The following RNF31 variants were observed in gnomAD, a reference collection of about 807,000 sequenced individuals.
The protein encoded by RNF31 is E3 ubiquitin-protein ligase RNF31.
In RNF31, 38 loss-of-function variants were observed where a neutral mutation model predicts 133.6. The observed-to-expected ratio is 0.28, with a 90% CI of 0.22 to 0.37. The LOEUF (loss-of-function observed/expected upper bound fraction) is 0.37. Ranked by LOEUF, RNF31 falls within the 10% of genes least tolerant of loss-of-function variation. The pLI is 1.00. For synonymous variants in RNF31, 582 were observed against 552.3 expected (o/e 1.05, Z -0.75); for missense variants, 1,118 against 1,394.1 (o/e 0.80, Z 3.15).
In RNF31 at chr14:24,155,008, T is replaced by C. The variant is rs570185329; in HGVS notation, c.2131-149T>C. On this transcript the variant is annotated intron_variant, in intron 11 of 20. Transcript: ENST00000324103. The surrounding 1 kb of genome is among the most constrained non-coding windows in gnomAD (Gnocchi z 4.9). ...ACTGTCTTCAGATGTTTACGTTGCCTGCCTGGCCCCTGCTGGCACTTGAGG... is the reference window on the plus strand; with the variant it reads ...ACTGTCTTCAGATGTTTACGTTGCCCGCCTGGCCCCTGCTGGCACTTGAGG... 8.1e-5 allele frequency: 57 copies of C among 700,556 alleles called. 1 individual carries two copies. The South Asian group carries it at 1.0e-3, about 13-fold the overall frequency. 43.4% of individuals were successfully genotyped at this position (700,556 alleles called of 1,614,324 possible).
At position 24,151,757 on chromosome 14, in the gene RNF31, T is replaced by G. The variant is rs199632413; in HGVS notation, c.1924-29T>G. The G allele has an allele frequency of 1.4e-5, 23 of 1,600,784 alleles. No homozygotes were observed. The highest frequency in any genetic ancestry group is 2.2e-5 in the South Asian group (2 of 90,028). ...AAGGGTCCCTGGAGTCTGACAGCAC[T>G]TCCCCCCTCCACCTGAATCATATTG... is the stretch of plus-strand genomic sequence containing the variant. On this transcript the variant is annotated intron_variant, in intron 10 of 20. Coordinates refer to ENST00000324103, the MANE Select transcript of RNF31 (RefSeq NM_017999.5). This position sits in a 1 kb window ranked among gnomAD's most constrained non-coding sequence, Gnocchi z 5.3.
Position 24,150,438 on chromosome 14 carries a change from A to G in RNF31, c.1187A>G (p.Gln396Arg). 1 of 1,610,224 alleles carries G rather than the reference A, an allele frequency of 6.2e-7. No individual in the cohort carries two copies. The highest frequency in any genetic ancestry group is 8.5e-7 in the Non-Finnish European group (1 of 1,177,946). The change falls in exon 7 of 21, where the codon CAA (glutamine) becomes CGA (arginine). Residue 396 changes from glutamine to arginine, a missense_variant. By Grantham distance (43) the Gln-to-Arg change is conservative (BLOSUM62 1). Transcript: ENST00000324103. Reference sequence around the variant, plus strand: ...TCCCGAGATGCTGGCATTTGCCTGCAACCCCTTCAGGTAACTGGCCTTCCC... The same window carrying G: ...TCCCGAGATGCTGGCATTTGCCTGCGACCCCTTCAGGTAACTGGCCTTCCC... Reference protein sequence around the residue: ...VDSRDAGICLQPLQQGDALLA... With the variant: ...VDSRDAGICLRPLQQGDALLA...
Position 24,160,257 on chromosome 14 carries a change from T to C in RNF31, c.3015T>C (p.Tyr1005=). The change falls in exon 20 of 21, where the codon TAT becomes TAC. Residue 1005 remains tyrosine, a synonymous_variant. Coordinates refer to ENST00000324103, the MANE Select transcript of RNF31 (RefSeq NM_017999.5). The surrounding 1 kb of genome is among the most constrained non-coding windows in gnomAD (Gnocchi z 4.0). ...TCCCCAGGGCACACTACAAAGAGTA[T>C]CTTGTGAGCCTCATCAATGCCCACT... ...AGLCQAHYKE[Y]LVSLINAHSL... is the part of the protein sequence containing the mutation. 1.2e-6 allele frequency: 2 copies of C among 1,613,818 alleles called. No individual in the cohort carries two copies. Among genetic ancestry groups the C allele is most frequent in the Non-Finnish European group, 1.7e-6 (2 of 1,179,974 alleles).
Position 24,150,746 on chromosome 14 carries a change from C to T in RNF31, c.1346C>T (p.Ala449Val). 6.2e-7 allele frequency: 1 copy of T among 1,613,062 alleles called. No homozygotes were observed. The highest frequency in any genetic ancestry group is 8.5e-7 in the Non-Finnish European group (1 of 1,179,612). Residue 449 changes from alanine to valine, a missense_variant, in exon 8 of 21, where the codon GCC (alanine) becomes GTC (valine). Ala to Val is a moderately conservative substitution (Grantham distance 64). Transcript: ENST00000324103. Reference protein sequence around the residue: ...IPAQHAPRPYASSLEKGPPKP... With the variant: ...IPAQHAPRPYVSSLEKGPPKP... ...GCACAACATGCCCCCCGGCCCTATG[C>T]CAGCTCTTTGGAAAAGGGACCCCCC...
In RNF31 at chr14:24,157,298, G is replaced by T. The variant is rs1161898085; in HGVS notation, c.2502G>T (p.Glu834Asp). 5.0e-6 allele frequency: 8 copies of T among 1,605,810 alleles called. No homozygotes were observed. The highest frequency in any genetic ancestry group is 6.8e-6 in the Non-Finnish European group (8 of 1,173,908). Residue 834 changes from glutamate (E) to aspartate (D), a missense_variant, in exon 15 of 21, where the codon GAG (glutamate) becomes GAT (aspartate). Transcript: ENST00000324103. ...FCVRCKRQWE[E>D]QHRGRSCEDF... ...TACTTTCCCTCTGGCAGTGGGAGGA[G>T]CAGCACCGAGGTCGGAGCTGTGAGG...
rs754920056 is a variant in RNF31, at chr14:24,150,157, G to A, written c.906G>A (p.Leu302=). 6.2e-7 allele frequency: 1 copy of A among 1,613,786 alleles called. No homozygotes were observed. Among genetic ancestry groups the A allele is most frequent in the South Asian group, 1.1e-5 (1 of 91,082 alleles). The change falls in exon 7 of 21, where the codon TTG becomes TTA. Residue 302 remains leucine (L), a synonymous_variant. Transcript: ENST00000324103. ...LSSPNPASAH[L]PWHCAACAML... ...CCCCTAATCCTGCAAGTGCTCATTT[G>A]CCCTGGCACTGTGCTGCCTGTGCCA...
chr14:24,156,027 A>G (rs1403379443), intron 14 of RNF31, among the ~76,000 whole-genome samples: 1 of 152,250 alleles, frequency 6.6e-6, no homozygotes, highest in Admixed American at 6.5e-5. Context: ...GAGGTCAGAC[A>G]AGTCTTCTCT....
In RNF31 at chr14:24,148,509, A is replaced by G. The variant is rs58442111; in HGVS notation, c.495+96A>G. The G allele has an allele frequency of 1.0e-5, 16 of 1,600,642 alleles. No individual in the cohort carries two copies. In the East Asian group the frequency reaches 2.2e-4, roughly 22 times the overall value. ...TTGAGGACCCCCGTGCTGCTGAACT[A>G]TGGGCATAGTTCAGCATTCTGGGAG... On this transcript the variant is annotated intron_variant, in intron 3 of 20. Transcript: ENST00000324103.
Position 24,150,903 on chromosome 14 carries a change from T to G in RNF31, c.1488+15T>G. The G allele has an allele frequency of 1.3e-6, 2 of 1,542,384 alleles. No homozygotes were observed. Among genetic ancestry groups the G allele is most frequent in the Non-Finnish European group, 1.7e-6 (2 of 1,144,104 alleles). The stretch of plus-strand genomic sequence containing the variant: ...GCATGATCCGGGTAAGGACTGGGCC[T>G]GCGATGAGGTAGGGCTGAGCTGGTC... On this transcript the variant is annotated intron_variant, in intron 8 of 20. Transcript: ENST00000324103.
rs1208973761 is a variant in RNF31 at position 24,160,586 on chromosome 14, G to A, written c.*13G>A. ...CAGGCGGAAGTAGCTGAGGGCAAGG[G>A]TCCCGATGAGGGTCCCATGGCCTGC... On this transcript the variant is annotated 3_prime_UTR_variant, in exon 21 of 21. Transcript: ENST00000324103. The surrounding 1 kb of genome is among the most constrained non-coding windows in gnomAD (Gnocchi z 4.0). 1 of 1,517,108 alleles carries A rather than the reference G, an allele frequency of 6.6e-7. No individual in the cohort carries two copies. The highest frequency in any genetic ancestry group is 8.8e-7 in the Non-Finnish European group (1 of 1,131,332). The allele number at this position is 1,517,108 out of a possible 1,614,324, so 94.0% of individuals were successfully genotyped here.
intron 11 of RNF31, chr14:24,154,928 A>T (rs1476331945): frequency 7.1e-6 from 4 of 563,350 alleles, no homozygotes; most frequent in Non-Finnish European, 1.3e-5. Flanking sequence ...GAATGTTTTT[A>T]TAGGCACTTT....
intron 14 of RNF31, among the ~76,000 whole-genome samples, chr14:24,157,022 C>T (rs973252192): frequency 1.3e-4 from 19 of 151,892 alleles, no homozygotes; most frequent in African/African-American, 4.6e-4. Flanking sequence ...CTGATGGTGG[C>T]CTGGAGTAAA....
At chr14:24,152,538 C>G (rs879556951) in intron 11 of RNF31, among the ~76,000 whole-genome samples, 19 of 152,122 alleles carry the variant, frequency 1.2e-4, no homozygotes, top group Non-Finnish European at 2.8e-4. Flanking sequence ...CCTGCCTCAG[C>G]CTCCTGAGTA....
Position 24,147,578 on chromosome 14 carries a change from C to A in RNF31, c.-121C>A. On this transcript the variant is annotated 5_prime_UTR_variant, in exon 1 of 21. In the 5' UTR this introduces an upstream ATG that the reference lacks. Transcript: ENST00000324103. ...CCGTGGTCTGAGTGACCTGGGGCGG[C>A]TGCGTGGGCCGGGGTGGGCCTCAAA... 1 of 868,108 alleles carries A rather than the reference C, an allele frequency of 1.2e-6. No individual in the cohort carries two copies. The highest frequency in any genetic ancestry group is 1.6e-6 in the Non-Finnish European group (1 of 627,080). The allele number at this position is 868,108 out of a possible 1,614,324, so 53.8% of individuals were successfully genotyped here. A position where few individuals can be genotyped will look rare whatever the true frequency, so the allele number is the denominator to read the frequency against.
intron 5 of RNF31, 152 bp from the exon 6 acceptor site, chr14:24,149,254 C>T (rs1478483020): frequency 3.1e-5 from 25 of 808,178 alleles, no homozygotes; most frequent in Admixed American, 1.7e-4. Context: ...TGAGCCACCA[C>T]GCCCGGCCTC....
chr14:24,151,476 A>T lies in RNF31; in HGVS notation c.1738-9A>T. 6.2e-7 allele frequency: 1 copy of T among 1,613,966 alleles called. No individual in the cohort carries two copies. On this transcript the variant is annotated splice_polypyrimidine_tract_variant and intron_variant, in intron 9 of 20. Transcript: ENST00000324103. This position sits in a 1 kb window ranked among gnomAD's most constrained non-coding sequence, Gnocchi z 5.3. ...CACTTCATTCCCCCTTGCCACTCCCATCTTGCAGGTGCAGGAGCTCCAGTC... is the reference window on the plus strand; with the variant it reads ...CACTTCATTCCCCCTTGCCACTCCCTTCTTGCAGGTGCAGGAGCTCCAGTC...
Position 24,151,097 on chromosome 14 carries a change from G to T in RNF31, c.1489-34G>T. ...TAGTTCAGGCTGAGGGTGGGTGAAG[G>T]GTGCCCCTCCTGATGGGCGGGACTG... On this transcript the variant is annotated intron_variant, in intron 8 of 20. Transcript: ENST00000324103. The surrounding 1 kb of genome is among the most constrained non-coding windows in gnomAD (Gnocchi z 5.3). 1 of 1,608,700 alleles carries T rather than the reference G, an allele frequency of 6.2e-7. No individual in the cohort carries two copies. The highest frequency in any genetic ancestry group is 8.5e-7 in the Non-Finnish European group (1 of 1,176,442).
chr14:24,148,783 C>T lies in RNF31; in HGVS notation c.556-18C>T, dbSNP rs528423175. ...GTGTCCCTAAACCCTTATTCATTCC[C>T]TGCCCTTTCTTTTTCAGATGCTGCA... On this transcript the variant is annotated intron_variant, in intron 4 of 20. Transcript: ENST00000324103. 6 of 1,614,072 alleles carry T rather than the reference C, an allele frequency of 3.7e-6. No individual in the cohort carries two copies. The highest frequency in any genetic ancestry group is 3.3e-5 in the South Asian group (3 of 91,084).
intron 11 of RNF31, among the ~76,000 whole-genome samples, chr14:24,154,307 G>A (rs948445767): frequency 1.3e-5 from 2 of 152,156 alleles, no homozygotes; most frequent in Non-Finnish European, 2.9e-5. Flanking sequence ...ACAGGCATGC[G>A]CCACCACACT....
Sources: gnomAD v4.1 joint callset for allele counts (sites outside exome capture counted in the v4.1 genomes callset) on GRCh38, gnomAD v4.1.1 for gene constraint, Gnocchi (gnomAD v3.1) non-coding constraint, MANE v1.5 for transcripts, NCBI Gene and HGNC (gene_info 2026-07-23, HGNC 2026-07-21) for gene names.